The following METAP1D variants were observed in gnomAD, a reference collection of about 807,000 sequenced individuals.
The protein encoded by METAP1D is methionine aminopeptidase 1D, mitochondrial.
Under a neutral mutation model 40.5 loss-of-function variants are expected in METAP1D, and 31 were observed. The observed-to-expected ratio is 0.77, with a 90% CI of 0.58 to 1.03. The LOEUF (loss-of-function observed/expected upper bound fraction) is 1.03, where lower values mean the gene tolerates loss of function less well. METAP1D is among the 50% of genes least tolerant of loss of function. The pLI, the probability that METAP1D is intolerant of heterozygous loss-of-function variation, is 0.00. For missense variants in METAP1D, 411 were observed against 420.7 expected (o/e 0.98, Z 0.20); for synonymous variants, 151 against 146.4 (o/e 1.03, Z -0.22).
intron 8 of METAP1D, 115 bp downstream of exon 8, chr2:172,079,377 A>T: frequency 1.1e-6 from 1 of 916,454 alleles, no homozygotes; most frequent in Non-Finnish European, 1.8e-6. Context: ...GTAATGAAAT[A>T]ATTCGGATGC....
At chr2:172,067,955 C>T (rs1466095293) in intron 5 of METAP1D, among the ~76,000 whole-genome samples, 1 of 152,164 alleles carries the variant, frequency 6.6e-6, no homozygotes, top group African/African-American at 2.4e-5. Flanking sequence ...AGAAAATACT[C>T]ATTGCATCTT....
chr2:172,030,506 G>A (rs970113436), intron 1 of METAP1D, among the ~76,000 whole-genome samples: 1 of 152,088 alleles, frequency 6.6e-6, no homozygotes, highest in Admixed American at 6.6e-5. Flanking sequence ...ATGTTATAGA[G>A]GGATATTCTA....
chr2:172,059,793 G>T (rs1035679811), intron 1 of METAP1D, among the ~76,000 whole-genome samples: 3 of 152,204 alleles, frequency 2.0e-5, no homozygotes, highest in African/African-American at 7.2e-5. Context: ...GGCTACGCCC[G>T]TAATCCCAGC....
At chr2:172,010,994 A>G (rs1448158652) in intron 1 of METAP1D, among the ~76,000 whole-genome samples, 1 of 152,022 alleles carries the variant, frequency 6.6e-6, no homozygotes. Flanking sequence ...ACCTCAAGTG[A>G]TCTGCCTGCC....
At chr2:172,007,502 T>C (rs1688614705) in intron 1 of METAP1D, among the ~76,000 whole-genome samples, 1 of 152,168 alleles carries the variant, frequency 6.6e-6, no homozygotes, top group South Asian at 2.1e-4. Flanking sequence ...TCTATTTGTG[T>C]TTTGCTGTTA....
chr2:172,064,809 G>A (rs17500199), intron 3 of METAP1D, among the ~76,000 whole-genome samples: 35,004 of 151,716 alleles, frequency 0.23, 5,149 homozygotes, highest in Middle Eastern at 0.36. Flanking sequence ...CTTACAACAC[G>A]GCTAAACATA....
At chr2:172,065,902 T>A in intron 4 of METAP1D, 150 bp downstream of exon 4, 2 of 837,732 alleles carry the variant, frequency 2.4e-6, no homozygotes, top group Non-Finnish European at 3.6e-6. Flanking sequence ...TTTGAAGTAT[T>A]TTACTTCTAA....
At chr2:172,008,425 A>G (rs1458072751) in intron 1 of METAP1D, among the ~76,000 whole-genome samples, 1 of 152,210 alleles carries the variant, frequency 6.6e-6, no homozygotes, top group Non-Finnish European at 1.5e-5. Context: ...GGAAAGTTAA[A>G]TGGTTTGTTC....
intron 1 of METAP1D, among the ~76,000 whole-genome samples, chr2:172,053,720 A>G (rs976298279): frequency 1.3e-5 from 2 of 152,184 alleles, no homozygotes; most frequent in African/African-American, 4.8e-5. Context: ...CTTTTAAATC[A>G]CATATTATCT....
intron 1 of METAP1D, among the ~76,000 whole-genome samples, chr2:172,011,854 GT>G (rs910392711): frequency 1.2e-4 from 18 of 152,258 alleles, no homozygotes; most frequent in Admixed American, 1.2e-3. Context: ...TTGTGTATGT[GT>G]TTTTCTGCGG....
intron 1 of METAP1D, among the ~76,000 whole-genome samples, chr2:172,040,009 G>T (rs1166643168): frequency 6.9e-6 from 1 of 145,760 alleles, no homozygotes; most frequent in Non-Finnish European, 1.5e-5. Flanking sequence ...TTTTGAGACA[G>T]AGTCTCGCCC....
At chr2:172,066,878 A>G (rs1314016740) in intron 5 of METAP1D, among the ~76,000 whole-genome samples, 1 of 152,212 alleles carries the variant, frequency 6.6e-6, no homozygotes, top group Non-Finnish European at 1.5e-5. Context: ...GTTGAGTTCC[A>G]TTTCTGGTAT....
chr2:172,079,192 C>G, intron 7 of METAP1D, 23 bp from the exon 8 acceptor site: 1 of 1,613,230 alleles, frequency 6.2e-7, no homozygotes, highest in Non-Finnish European at 8.5e-7. Context: ...CTATTCTCAC[C>G]CCCCATGTTT....
intron 1 of METAP1D, among the ~76,000 whole-genome samples, chr2:172,045,657 G>A (rs1290897256): frequency 5.4e-5 from 5 of 92,602 alleles, no homozygotes; most frequent in Admixed American, 2.5e-4. Flanking sequence ...GTGAAACTCC[G>A]TCTCAGGAAA....
At chr2:172,071,207 G>A in intron 6 of METAP1D, 137 bp downstream of exon 6, 1 of 659,700 alleles carries the variant, frequency 1.5e-6, no homozygotes, top group Non-Finnish European at 2.2e-6. Flanking sequence ...GAACTGCCAG[G>A]CTGCAATATT....
chr2:172,067,924 A>G (rs1690323823), intron 5 of METAP1D, among the ~76,000 whole-genome samples: 1 of 152,364 alleles, frequency 6.6e-6, no homozygotes, highest in Non-Finnish European at 1.5e-5. Flanking sequence ...GGACTCCATT[A>G]TCAGATCCTA....
rs965417594 is a variant in METAP1D, at chr2:172,066,445, T to C, written c.540+139T>C. 3.3e-4 allele frequency: 214 copies of C among 658,266 alleles called. 2 individuals are homozygous for C. Among genetic ancestry groups the C allele is most frequent in the Non-Finnish European group, 3.9e-4 (154 of 395,378 alleles). 40.8% of individuals were successfully genotyped at this position (658,266 alleles called of 1,614,324 possible). A position where few individuals can be genotyped will look rare whatever the true frequency, so the allele number is the denominator to read the frequency against. Reference sequence around the variant, plus strand: ...ACCCAGACGCAAGCAGCTGGTTTCCTTTTTTGTCTTTAACTCTGTGTTTAT... The same window carrying C: ...ACCCAGACGCAAGCAGCTGGTTTCCCTTTTTGTCTTTAACTCTGTGTTTAT... On this transcript the variant is annotated intron_variant, in intron 5 of 9. Coordinates refer to ENST00000315796, the MANE Select transcript of METAP1D (RefSeq NM_199227.3).
At chr2:172,051,480 C>T (rs1396233826) in intron 1 of METAP1D, among the ~76,000 whole-genome samples, 1 of 152,072 alleles carries the variant, frequency 6.6e-6, no homozygotes, top group African/African-American at 2.4e-5. Flanking sequence ...GAAGTGTTTT[C>T]GTAAAACATT....
At chr2:172,042,938 C>T (rs185032100) in intron 1 of METAP1D, among the ~76,000 whole-genome samples, 3 of 126,830 alleles carry the variant, frequency 2.4e-5, no homozygotes, top group African/African-American at 5.3e-5. Flanking sequence ...CATGTGTATA[C>T]ACGTATGCGT....
Sources: allele counts gnomAD v4.1 joint callset (sites outside exome capture counted in the v4.1 genomes callset), GRCh38; gene constraint gnomAD v4.1.1; transcripts MANE v1.5; gene names NCBI Gene and HGNC (gene_info 2026-07-23, HGNC 2026-07-21).